SPIRE1: variants seen among roughly 807,000 people sequenced by gnomAD.
SPIRE1 encodes the protein spire type actin nucleation factor 1.
SPIRE1 carries 40 observed loss-of-function variants against 94.1 expected under a neutral mutation model. The ratio of observed to expected loss-of-function variants is 0.43; its 90% CI spans 0.33 to 0.55. The LOEUF (loss-of-function observed/expected upper bound fraction) is 0.55. Among genes scored for constraint, SPIRE1 ranks in the 20% least tolerant of loss-of-function variants. SPIRE1 has a pLI of 0.06. For missense variants in SPIRE1, 838 were observed against 975.2 expected (o/e 0.86, Z 1.87); for synonymous variants, 376 against 371.7 (o/e 1.01, Z -0.13).
chr18:12,534,227 T>C (rs2034773797), intron 4 of SPIRE1, among the ~76,000 whole-genome samples: 1 of 152,210 alleles, frequency 6.6e-6, no homozygotes, highest in African/African-American at 2.4e-5. Context: ...ACCTACTTAC[T>C]ACCAGGGTTA....
rs531708883 is a variant in SPIRE1 at position 12,651,427 on chromosome 18, A to C, written c.337+6103T>G. Among the ~76,000 whole-genome samples the C allele has an allele frequency of 1.3e-4, 20 of 152,292 alleles. No homozygotes were observed. In the East Asian group the frequency reaches 3.7e-3, roughly 28 times the overall value. On this transcript the variant is annotated intron_variant, in intron 1 of 16. Coordinates refer to ENST00000409402, the MANE Select transcript of SPIRE1 (RefSeq NM_001128626.2). Reference sequence around the variant, plus strand: ...TGCGGTGGCTCACGCCTGTAATCCCAGCACTTTGGGAGGCTGAGGTGGGTG... The same window carrying C: ...TGCGGTGGCTCACGCCTGTAATCCCCGCACTTTGGGAGGCTGAGGTGGGTG...
intron 6 of SPIRE1, among the ~76,000 whole-genome samples, chr18:12,500,756 A>G (rs1004097014): frequency 4.6e-5 from 7 of 152,132 alleles, no homozygotes; most frequent in African/African-American, 7.2e-5. Flanking sequence ...TAAACAAAAT[A>G]TATCTGTATA....
intron 1 of SPIRE1, among the ~76,000 whole-genome samples, chr18:12,652,370 A>C (rs569666446): frequency 1.3e-5 from 2 of 152,386 alleles, no homozygotes; most frequent in Admixed American, 6.5e-5. Context: ...CCCAAACAAC[A>C]AAGTCTTATT....
intron 2 of SPIRE1, among the ~76,000 whole-genome samples, chr18:12,555,873 T>A (rs1116261): frequency 0.02 from 2,990 of 152,162 alleles, 83 homozygotes; most frequent in African/African-American, 0.068. Context: ...AAGGAAGAAG[T>A]CAAATCATAC....
chr18:12,611,363 C>T (rs2037136035), intron 2 of SPIRE1, among the ~76,000 whole-genome samples: 1 of 152,190 alleles, frequency 6.6e-6, no homozygotes, highest in Admixed American at 6.5e-5. Context: ...CTTGGATCAT[C>T]CTCTCTGAAA....
At chr18:12,536,297 C>T (rs568663635) in intron 3 of SPIRE1, among the ~76,000 whole-genome samples, 3 of 152,180 alleles carry the variant, frequency 2.0e-5, no homozygotes, top group Admixed American at 6.5e-5. Context: ...TCTGACATGT[C>T]GTATATACAA....
At chr18:12,470,135 C>CG (rs2032294099) in intron 10 of SPIRE1, among the ~76,000 whole-genome samples, 1 of 151,956 alleles carries the variant, frequency 6.6e-6, no homozygotes. Flanking sequence ...GTTGTAGAGA[C>CG]GGGGTCTCAC....
chr18:12,510,718 T>C (rs982141856), intron 5 of SPIRE1, among the ~76,000 whole-genome samples: 2 of 152,058 alleles, frequency 1.3e-5, no homozygotes, highest in Admixed American at 6.6e-5. Context: ...AATTTTTGTA[T>C]TTTTTAGTGG....
chr18:12,531,303 A>AT (rs2034675520), intron 4 of SPIRE1, among the ~76,000 whole-genome samples: 1 of 152,046 alleles, frequency 6.6e-6, no homozygotes, highest in Non-Finnish European at 1.5e-5. Context: ...ATGCCCACAC[A>AT]TTCTCTCATA....
chr18:12,615,345 A>AAAAAAAAAAAAAAAAAAAAAAT, intron 2 of SPIRE1, among the ~76,000 whole-genome samples: 1 of 17,244 alleles, frequency 5.8e-5, no homozygotes, highest in African/African-American at 1.2e-4. Flanking sequence ...AAAAAAAAAA[A>AAAAAAAAAAAAAAAAAAAAAAT]ATATATATAT....
intron 1 of SPIRE1, among the ~76,000 whole-genome samples, chr18:12,655,887 C>T (rs1361728158): frequency 6.6e-6 from 1 of 152,042 alleles, no homozygotes; most frequent in African/African-American, 2.4e-5. Context: ...TAGCTAAATC[C>T]CAAGGCACGA....
chr18:12,634,937 A>C, intron 2 of SPIRE1, 125 bp downstream of exon 2: 1 of 120,584 alleles, frequency 8.3e-6, no homozygotes, highest in Non-Finnish European at 1.6e-5. Context: ...GTCCATCTCA[A>C]AAAAAAAAAA....
At chr18:12,657,385 G>A (rs146027871) in intron 1 of SPIRE1, 145 bp downstream of exon 1, 5 of 627,154 alleles carry the variant, frequency 8.0e-6, no homozygotes, top group Non-Finnish European at 9.0e-6. Context: ...CCTCCCCTGC[G>A]GGTCCCCGCC....
intron 2 of SPIRE1, among the ~76,000 whole-genome samples, chr18:12,586,672 A>G (rs2036398532): frequency 6.6e-6 from 1 of 152,202 alleles, no homozygotes; most frequent in African/African-American, 2.4e-5. Flanking sequence ...GTATGCTTAT[A>G]GTGAATTTAT....
intron 4 of SPIRE1, among the ~76,000 whole-genome samples, chr18:12,526,192 A>T (rs965470363): frequency 6.6e-6 from 1 of 152,008 alleles, no homozygotes; most frequent in African/African-American, 2.4e-5. Flanking sequence ...CTTGTATAGT[A>T]TCCCTGCATA....
chr18:12,582,241 T>A (rs1480550380), intron 2 of SPIRE1, among the ~76,000 whole-genome samples: 1 of 152,190 alleles, frequency 6.6e-6, no homozygotes, highest in Admixed American at 6.5e-5. Context: ...TCCCCTTTGG[T>A]TATTTCCAAT....
At position 12,457,854 on chromosome 18, in the gene SPIRE1, T is replaced by C. The variant is rs1046384748; in HGVS notation, c.1639-3371A>G. On this transcript the variant is annotated intron_variant, in intron 12 of 16. Transcript: ENST00000409402. ...CCTTTCTTTTCTTTTTTCTTTTTTT[T>C]TTTTTTTTGAGATGGAGTCTCGCTC... Among the ~76,000 whole-genome samples, 4 of 150,358 alleles carry C rather than the reference T, an allele frequency of 2.7e-5. No individual in the cohort carries two copies. The South Asian group carries it at 8.5e-4, about 32-fold the overall frequency.
chr18:12,518,805 TA>T (rs1414879640), intron 4 of SPIRE1, among the ~76,000 whole-genome samples: 1 of 152,182 alleles, frequency 6.6e-6, no homozygotes, highest in African/African-American at 2.4e-5. Context: ...TATAATAAAT[TA>T]AAAAATGAAT....
At chr18:12,592,690 C>T (rs868055231) in intron 2 of SPIRE1, among the ~76,000 whole-genome samples, 5 of 152,156 alleles carry the variant, frequency 3.3e-5, no homozygotes, top group African/African-American at 9.7e-5. Flanking sequence ...CATTCAATAT[C>T]GCCACAATGG....
Sources: gnomAD v4.1 joint callset for allele counts (sites outside exome capture counted in the v4.1 genomes callset) on GRCh38, gnomAD v4.1.1 for gene constraint, MANE v1.5 for transcripts, NCBI Gene and HGNC (gene_info 2026-07-23, HGNC 2026-07-21) for gene names.